Variants in HEMK2 observed in about 807,000 individuals in gnomAD.
HEMK2 encodes HemK methyltransferase 2, ETF1 glutamine and histone H4 lysine.
At chr21:28,608,325 A>G in the HEMK2 span, among the ~76,000 whole-genome samples, 1 of 151,950 alleles carries the variant, frequency 6.6e-6, no homozygotes, top group Non-Finnish European at 1.5e-5. Flanking sequence ...TGCATTTTTT[A>G]ATTTGTATAT....
At chr21:28,761,934 C>T in the HEMK2 span, among the ~76,000 whole-genome samples, 1 of 152,154 alleles carries the variant, frequency 6.6e-6, no homozygotes, top group South Asian at 2.1e-4. Context: ...CCAATGAGAT[C>T]ACTAGACTGA....
At chr21:28,619,189 A>G in the HEMK2 span, among the ~76,000 whole-genome samples, 1 of 152,186 alleles carries the variant, frequency 6.6e-6, no homozygotes, top group African/African-American at 2.4e-5. Context: ...AATCTTGTCA[A>G]TATCTGGATT....
the HEMK2 span, among the ~76,000 whole-genome samples, chr21:28,733,338 G>A: frequency 1.3e-5 from 2 of 152,120 alleles, no homozygotes; most frequent in Admixed American, 6.5e-5. Flanking sequence ...TTGTTTACAT[G>A]AATTGTGTGG....
At chr21:28,838,952 A>C in the HEMK2 span, among the ~76,000 whole-genome samples, 1 of 30,242 alleles carries the variant, frequency 3.3e-5, no homozygotes, top group African/African-American at 2.3e-4. Flanking sequence ...CGCCTCAAAA[A>C]AAAAAAAAAA....
the HEMK2 span, among the ~76,000 whole-genome samples, chr21:28,747,660 G>A: frequency 6.6e-6 from 1 of 152,188 alleles, no homozygotes; most frequent in Non-Finnish European, 1.5e-5. Context: ...AGATAAATGT[G>A]GTACACATAT....
chr21:28,762,946 G>A, the HEMK2 span, among the ~76,000 whole-genome samples: 1 of 152,154 alleles, frequency 6.6e-6, no homozygotes, highest in African/African-American at 2.4e-5. Context: ...TAACTACAGA[G>A]AGCTAGCGAA....
At chr21:28,620,660 CTTTTTTTTTTTTTTTTTTTTTT>C in the HEMK2 span, among the ~76,000 whole-genome samples, 18 of 49,642 alleles carry the variant, frequency 3.6e-4, 1 homozygote, top group Non-Finnish European at 4.9e-4. Flanking sequence ...TCTCTCTTTT[CTTTTTTTTTTTTTTTTTTTTTT>C]TTTTTTTTTG....
chr21:28,781,094 TC>T, the HEMK2 span, among the ~76,000 whole-genome samples: 1 of 152,242 alleles, frequency 6.6e-6, no homozygotes. Flanking sequence ...TCTTCATTTT[TC>T]AGGTTTTTTT....
At chr21:28,767,782 CT>C in the HEMK2 span, among the ~76,000 whole-genome samples, 135 of 152,074 alleles carry the variant, frequency 8.9e-4, no homozygotes, top group African/African-American at 3.1e-3. Context: ...GACTTCTTTC[CT>C]TCCATAAAGT....
the HEMK2 span, among the ~76,000 whole-genome samples, chr21:28,738,045 CCAA>C: frequency 1.3e-5 from 2 of 152,162 alleles, no homozygotes; most frequent in Non-Finnish European, 2.9e-5. Flanking sequence ...TTAGCTTCTT[CCAA>C]CAACAGTTAG....
At chr21:28,863,460 A>ATATG in the HEMK2 span, among the ~76,000 whole-genome samples, 7 of 77,754 alleles carry the variant, frequency 9.0e-5, no homozygotes, top group Non-Finnish European at 2.0e-4. Context: ...ATATATATAT[A>ATATG]TATATATATA....
At chr21:28,688,100 T>G in the HEMK2 span, among the ~76,000 whole-genome samples, 7 of 152,224 alleles carry the variant, frequency 4.6e-5, no homozygotes, top group African/African-American at 1.2e-4. Flanking sequence ...AAATGCCTGA[T>G]GATCACCAGC....
the HEMK2 span, among the ~76,000 whole-genome samples, chr21:28,774,717 C>G: frequency 2.0e-5 from 3 of 152,162 alleles, no homozygotes; most frequent in Non-Finnish European, 4.4e-5. Context: ...CATAAAAACC[C>G]TACCAAGGTC....
At chr21:28,791,660 A>G in the HEMK2 span, among the ~76,000 whole-genome samples, 3 of 152,174 alleles carry the variant, frequency 2.0e-5, 1 homozygote, top group African/African-American at 7.2e-5. Context: ...GAGACCCACT[A>G]CTCTGGTGTC....
chr21:28,882,214 G>A, the HEMK2 span: 4 of 1,607,644 alleles, frequency 2.5e-6, no homozygotes, highest in African/African-American at 5.4e-5. Context: ...CTGTCTCTAG[G>A]GTACAAGCTG....
At chr21:28,856,415 CAA>C in the HEMK2 span, among the ~76,000 whole-genome samples, 9 of 118,830 alleles carry the variant, frequency 7.6e-5, no homozygotes, top group Middle Eastern at 4.5e-3. Context: ...GACTCCATCT[CAA>C]AAAAAAAAAA....
chr21:28,721,623 T>C, the HEMK2 span, among the ~76,000 whole-genome samples: 8 of 152,148 alleles, frequency 5.3e-5, no homozygotes, highest in Non-Finnish European at 1.2e-4. Flanking sequence ...TAAGAATTTA[T>C]AGTGAAAATA....
the HEMK2 span, among the ~76,000 whole-genome samples, chr21:28,823,930 C>G: frequency 6.6e-6 from 1 of 152,188 alleles, no homozygotes; most frequent in African/African-American, 2.4e-5. Flanking sequence ...CATCAGAACC[C>G]TCAGGTAAGC....
chr21:28,701,581 C>A, the HEMK2 span, among the ~76,000 whole-genome samples: 1 of 148,434 alleles, frequency 6.7e-6, no homozygotes, highest in Non-Finnish European at 1.5e-5. Context: ...CACACACACA[C>A]ACACACACAC....
Sources: gnomAD v4.1 joint callset for allele counts (sites outside exome capture counted in the v4.1 genomes callset) on GRCh38, gnomAD v4.1.1 for gene constraint, MANE v1.5 for transcripts, NCBI Gene and HGNC (gene_info 2026-07-23, HGNC 2026-07-21) for gene names.